SLIT3: variants seen among roughly 807,000 people sequenced by gnomAD.
SLIT3 encodes slit homolog 3 protein.
Under a neutral mutation model 184.0 loss-of-function variants are expected in SLIT3, and 68 were observed. The ratio of observed to expected loss-of-function variants is 0.37; its 90% CI spans 0.30 to 0.45. SLIT3 has a LOEUF of 0.45. SLIT3 is among the 20% of genes least tolerant of loss of function. The probability of loss-of-function intolerance (pLI) is 1.00; values close to 1 mark genes in which losing one functional copy is unlikely to be tolerated. For synonymous variants in SLIT3, 831 were observed against 828.6 expected (o/e 1.00, Z -0.05); for missense variants, 1,707 against 2,026.0 (o/e 0.84, Z 3.02).
At chr5:168,910,753 A>G (rs1249137990) in intron 4 of SLIT3, among the ~76,000 whole-genome samples, 3 of 151,962 alleles carry the variant, frequency 2.0e-5, no homozygotes, top group Non-Finnish European at 4.4e-5. Flanking sequence ...CTCAAAAAAA[A>G]AAAAAAGAAA....
At chr5:168,918,729 T>A (rs983549320) in intron 4 of SLIT3, among the ~76,000 whole-genome samples, 1 of 152,176 alleles carries the variant, frequency 6.6e-6, no homozygotes, top group African/African-American at 2.4e-5. Flanking sequence ...AAAGGAGACA[T>A]TACAGCTTCA....
intron 32 of SLIT3, among the ~76,000 whole-genome samples, chr5:168,679,535 T>G (rs1389966288): frequency 6.6e-6 from 1 of 152,152 alleles, no homozygotes; most frequent in Non-Finnish European, 1.5e-5. Context: ...GGTCAGAGAC[T>G]TTAGGTGTTC....
At chr5:168,712,932 C>A (rs1027343847) in intron 23 of SLIT3, among the ~76,000 whole-genome samples, 2 of 152,222 alleles carry the variant, frequency 1.3e-5, no homozygotes, top group African/African-American at 4.8e-5. Context: ...AGAGAGCCAG[C>A]ATTTTCTAAG....
intron 1 of SLIT3, chr5:169,263,607 C>G (rs115473017): frequency 2.1e-6 from 1 of 482,310 alleles, no homozygotes; most frequent in East Asian, 7.3e-5. Context: ...TACATTGTTA[C>G]AGCAGCCCTA....
At chr5:168,769,748 C>T (rs1429391783) in intron 14 of SLIT3, among the ~76,000 whole-genome samples, 1 of 152,162 alleles carries the variant, frequency 6.6e-6, no homozygotes, top group African/African-American at 2.4e-5. Context: ...TTTTCTTTCT[C>T]TTTGGTTTCT....
intron 3 of SLIT3, 123 bp downstream of exon 3, chr5:169,244,582 T>C (rs1409781896): frequency 4.0e-6 from 3 of 756,194 alleles, no homozygotes; most frequent in African/African-American, 3.5e-5. Flanking sequence ...AAACATTCTA[T>C]TTAAACACTG....
chr5:169,108,317 C>T (rs1490089981), intron 4 of SLIT3, among the ~76,000 whole-genome samples: 1 of 152,210 alleles, frequency 6.6e-6, no homozygotes, highest in African/African-American at 2.4e-5. Flanking sequence ...GCTGGAGTCA[C>T]CACATTTGAG....
chr5:169,119,505 T>C (rs1228814604), intron 4 of SLIT3, among the ~76,000 whole-genome samples: 1 of 152,180 alleles, frequency 6.6e-6, no homozygotes, highest in Non-Finnish European at 1.5e-5. Context: ...CTCCAAGGAA[T>C]TGCCAAGTGA....
chr5:168,920,142 G>C (rs909393904), intron 4 of SLIT3, among the ~76,000 whole-genome samples: 7 of 152,130 alleles, frequency 4.6e-5, no homozygotes, highest in Non-Finnish European at 1.0e-4. Context: ...GGATATAAAG[G>C]CTTTTTGGGT....
At chr5:169,016,575 A>C (rs576353910) in intron 4 of SLIT3, among the ~76,000 whole-genome samples, 1 of 152,320 alleles carries the variant, frequency 6.6e-6, no homozygotes, top group East Asian at 1.9e-4. Context: ...CATATAATAC[A>C]TGTAATTCTT....
At chr5:169,244,835 T>C in intron 2 of SLIT3, 59 bp from the exon 3 acceptor site, 1 of 1,438,156 alleles carries the variant, frequency 7.0e-7, no homozygotes, top group Non-Finnish European at 9.8e-7. Context: ...ACCCTCATAC[T>C]AGGCTTCATG....
At chr5:168,949,178 T>C (rs1433652711) in intron 4 of SLIT3, among the ~76,000 whole-genome samples, 1 of 152,200 alleles carries the variant, frequency 6.6e-6, no homozygotes, top group Non-Finnish European at 1.5e-5. Context: ...CCTGCGGGTG[T>C]TCTGAGGCTC....
Position 168,671,166 on chromosome 5 carries a change from G to A in SLIT3, c.4127+32C>T, listed in dbSNP as rs770370529. Reference sequence around the variant, plus strand: ...GGGACTGAGGCCATTCTGGGAGCTCGAGCACACAGCCAGGGCTCCTGGGAC... The same window carrying A: ...GGGACTGAGGCCATTCTGGGAGCTCAAGCACACAGCCAGGGCTCCTGGGAC... On this transcript the variant is annotated intron_variant, in intron 34 of 35. Transcript: ENST00000519560. The A allele has an allele frequency of 1.6e-5, 26 of 1,589,446 alleles. No individual in the cohort carries two copies. The South Asian group carries it at 1.9e-4, about 12-fold the overall frequency.
intron 5 of SLIT3, among the ~76,000 whole-genome samples, chr5:168,868,761 A>AAAAAAAGAAAAAG (rs1554150965): frequency 7.1e-6 from 1 of 141,052 alleles, no homozygotes; most frequent in African/African-American, 2.9e-5. Flanking sequence ...AAAAAAAAAA[A>AAAAAAAGAAAAAG]AAAAAGAAAA....
rs1767648617 is a variant in SLIT3, at chr5:169,300,529, G to T, written c.181C>A (p.Arg61Ser). ...GLRAVPRGIP[R>S]NAERLDLDRN... ...GGTACTCACAGGCGCTCAGCGTTGC[G>T]GGGGATGCCCCGAGGAACCGCGCGG... Residue 61 changes from arginine (R) to serine (S), a missense_variant, in exon 1 of 36, where the codon CGC becomes AGC. By Grantham distance (110) the Arg-to-Ser change is moderately radical. Around this residue, in one of 3 missense-constraint regions of SLIT3, gnomAD observed 1,307 missense variants for 1,511.6 expected, o/e 0.86. Coordinates refer to ENST00000519560, the MANE Select transcript of SLIT3 (RefSeq NM_003062.4). The surrounding 1 kb of genome is among the most constrained non-coding windows in gnomAD (Gnocchi z 4.1). 6.6e-7 allele frequency: 1 copy of T among 1,507,072 alleles called. No individual in the cohort carries two copies. The highest frequency in any genetic ancestry group is 2.8e-5 in the East Asian group (1 of 36,330). The allele number at this position is 1,507,072 out of a possible 1,614,324, so 93.4% of individuals were successfully genotyped here. A position where few individuals can be genotyped will look rare whatever the true frequency, so the allele number is the denominator to read the frequency against.
rs1257917579 is a variant in SLIT3, at chr5:169,052,110, A to C, written c.413+141369T>G. Among the ~76,000 whole-genome samples, 3 of 148,598 alleles carry C rather than the reference A, an allele frequency of 2.0e-5. No individual in the cohort carries two copies. The East Asian group carries it at 6.2e-4, about 31-fold the overall frequency. ...TTCACAGAAATGCGTGTGCATTTTT[A>C]TTTCCCCTTTAAAACTTGAAAGGGA... On this transcript the variant is annotated intron_variant, in intron 4 of 35. Coordinates refer to ENST00000519560, the MANE Select transcript of SLIT3 (RefSeq NM_003062.4).
intron 4 of SLIT3, among the ~76,000 whole-genome samples, chr5:169,177,808 C>T (rs2113433966): frequency 6.6e-6 from 1 of 152,354 alleles, no homozygotes; most frequent in South Asian, 2.1e-4. Context: ...GAAGCAGTCA[C>T]TGTCACCCCC....
chr5:168,998,910 T>C (rs974196288), intron 4 of SLIT3, among the ~76,000 whole-genome samples: 21 of 141,192 alleles, frequency 1.5e-4, no homozygotes, highest in Non-Finnish European at 4.9e-5. Context: ...TGTGTGTGTG[T>C]GTGTGTGTGT....
chr5:169,246,921 C>CAA (rs34365189), intron 2 of SLIT3, among the ~76,000 whole-genome samples: 501 of 25,620 alleles, frequency 0.02, 70 homozygotes, highest in African/African-American at 0.062. Flanking sequence ...GACTCTGTCT[C>CAA]AAAAAAAAAA....
Sources: allele counts gnomAD v4.1 joint callset (sites outside exome capture counted in the v4.1 genomes callset), GRCh38; gene constraint gnomAD v4.1.1; regional missense constraint gnomAD v4.1.1; non-coding constraint Gnocchi (gnomAD v3.1); transcripts MANE v1.5; gene names NCBI Gene and HGNC (gene_info 2026-07-23, HGNC 2026-07-21).